ZBED6: variants seen among roughly 807,000 people sequenced by gnomAD.
ZBED6 encodes the protein zinc finger BED-type containing 6, also known as zinc finger BED domain-containing protein 6.
In ZBED6, 40 loss-of-function variants were observed where a neutral mutation model predicts 58.4. That is an observed-to-expected ratio of 0.68 (90% CI 0.53 to 0.89). The LOEUF is 0.89. ZBED6 is among the 40% of genes least tolerant of loss of function. The pLI is 0.00. For missense variants in ZBED6, 1,057 were observed against 1,003.9 expected (o/e 1.05, Z -0.71); for synonymous variants, 439 against 350.6 (o/e 1.25, Z -2.82).
intron 9 of ZBED6, among the ~76,000 whole-genome samples, chr1:203,836,280 T>G (rs895248747): frequency 2.6e-5 from 4 of 152,186 alleles, no homozygotes; most frequent in Non-Finnish European, 5.9e-5. Flanking sequence ...AGCATACCTG[T>G]AAACTTTGTG....
chr1:203,834,252 G>C (rs1683455139), intron 9 of ZBED6: 1 of 201,322 alleles, frequency 5.0e-6, no homozygotes, highest in East Asian at 1.8e-4. Flanking sequence ...TTGAGTCCTT[G>C]AGTCTATTGG....
intron 3 of ZBED6, among the ~76,000 whole-genome samples, chr1:203,827,435 C>T (rs1379946453): frequency 6.6e-6 from 1 of 150,420 alleles, no homozygotes; most frequent in East Asian, 2.0e-4. Flanking sequence ...AATCCCAGCA[C>T]TTTGGGAGGC....
At chr1:203,812,654 T>C (rs1328653978) in intron 1 of ZBED6, among the ~76,000 whole-genome samples, 3 of 144,954 alleles carry the variant, frequency 2.1e-5, no homozygotes, top group Non-Finnish European at 3.0e-5. Flanking sequence ...TGATCTCGGC[T>C]CACTGCAGCC....
chr1:203,815,534 A>G (rs911504544), intron 1 of ZBED6, among the ~76,000 whole-genome samples: 2 of 151,986 alleles, frequency 1.3e-5, no homozygotes, highest in African/African-American at 4.8e-5. Flanking sequence ...CATTATTAAA[A>G]CAAGATTGTG....
exon 1 of ZBED6, chr1:203,799,766 A>G: frequency 1.1e-6 from 1 of 944,104 alleles, no homozygotes; most frequent in Non-Finnish European, 1.7e-6. Flanking sequence ...TATCTCTGAA[A>G]CTTGAAACAG....
In ZBED6 at chr1:203,797,823, T is replaced by G. The variant is rs1011586359; in HGVS notation, c.301T>G (p.Leu101Val). Residue 101 changes from leucine (L) to valine (V), a missense_variant, in exon 1 of 17, where the codon TTG becomes GTG. By Grantham distance (32) the Leu-to-Val change is conservative (BLOSUM62 1). Coordinates refer to ENST00000550078, the Ensembl canonical transcript of ZBED6. The stretch of plus-strand genomic sequence containing the variant: ...GAGGCCTGTTGCAGATGCCCCTGCT[T>G]TGTTAGCTTCCAATGACCCTGAGCA... The G allele has an allele frequency of 4.0e-5, 61 of 1,535,952 alleles. No individual in the cohort carries two copies. Among genetic ancestry groups the G allele is most frequent in the Non-Finnish European group, 5.1e-5 (58 of 1,146,906 alleles).
At chr1:203,800,156 C>T (rs1296793059) in exon 1 of ZBED6, 9 of 1,534,576 alleles carry the variant, frequency 5.9e-6, no homozygotes, top group Admixed American at 2.0e-5. Flanking sequence ...ATTCAGAGTT[C>T]TCAGGAGGTG....
rs569445094 is a variant in ZBED6 at position 203,849,916 on chromosome 1, A to C, written c.*4528A>C. The C allele has an allele frequency of 3.8e-5, 62 of 1,614,176 alleles. No homozygotes were observed. The East Asian group carries it at 1.3e-3, about 35-fold the overall frequency. Reference sequence around the variant, plus strand: ...CCAGGAATCACACGGCACCTGACCAAGCGGCTTCCCACAAAGTCATCCCAG... The same window carrying C: ...CCAGGAATCACACGGCACCTGACCACGCGGCTTCCCACAAAGTCATCCCAG... On this transcript the variant is annotated 3_prime_UTR_variant, in exon 14 of 17. Transcript: ENST00000550078.
intron 3 of ZBED6, among the ~76,000 whole-genome samples, chr1:203,821,780 C>G (rs1447351975): frequency 6.7e-6 from 1 of 148,752 alleles, no homozygotes; most frequent in African/African-American, 2.5e-5. Context: ...TTTTTTGAGA[C>G]GGAGTCTTGC....
intron 9 of ZBED6, among the ~76,000 whole-genome samples, chr1:203,834,490 T>C (rs576467135): frequency 1.2e-4 from 18 of 152,286 alleles, no homozygotes; most frequent in Admixed American, 7.8e-4. Flanking sequence ...CAGGCTGGTC[T>C]CCAACTCCTG....
At chr1:203,825,747 A>G (rs1680326702) in intron 3 of ZBED6, among the ~76,000 whole-genome samples, 1 of 152,136 alleles carries the variant, frequency 6.6e-6, no homozygotes, top group Non-Finnish European at 1.5e-5. Flanking sequence ...TACTAAGGAA[A>G]AATGTACAGA....
At chr1:203,836,497 C>T (rs566530968) in intron 9 of ZBED6, among the ~76,000 whole-genome samples, 1 of 152,186 alleles carries the variant, frequency 6.6e-6, no homozygotes, top group Admixed American at 6.6e-5. Context: ...CGCCTGTAAT[C>T]CCAGCACTTT....
At chr1:203,825,387 T>TGTGAA (rs974212523) in intron 3 of ZBED6, among the ~76,000 whole-genome samples, 2 of 150,292 alleles carry the variant, frequency 1.3e-5, no homozygotes, top group African/African-American at 4.9e-5. Flanking sequence ...CTGTTAAAAA[T>TGTGAA]GTGAAGACAT....
At chr1:203,830,812 AAG>A (rs756519691) in intron 7 of ZBED6, among the ~76,000 whole-genome samples, 1 of 152,064 alleles carries the variant, frequency 6.6e-6, no homozygotes, top group Admixed American at 6.6e-5. Context: ...TGTCTCAAAA[AAG>A]AAAAAAAAGG....
In ZBED6 at chr1:203,838,067, A is replaced by G. The variant is rs748608963; in HGVS notation, c.*3672+3A>G. The G allele has an allele frequency of 1.4e-5, 22 of 1,613,794 alleles. No homozygotes were observed. The highest frequency in any genetic ancestry group is 1.7e-5 in the Admixed American group (1 of 59,958). Reference sequence around the variant, plus strand: ...CATTGACAAAACACCAAAGAAAGGTACCTGTGTTCTTACATACTTTGTGTG... The same window carrying G: ...CATTGACAAAACACCAAAGAAAGGTGCCTGTGTTCTTACATACTTTGTGTG... On this transcript the variant is annotated splice_donor_region_variant and intron_variant, in intron 10 of 16. Transcript: ENST00000550078.
chr1:203,818,421 T>C, intron 2 of ZBED6, 149 bp from the exon 3 acceptor site: 1 of 1,049,104 alleles, frequency 9.5e-7, no homozygotes. Flanking sequence ...TCTCGGTTTG[T>C]TCCTGTCATT....
At chr1:203,817,213 TTA>T in intron 2 of ZBED6, 89 bp downstream of exon 2, 27 of 1,122,152 alleles carry the variant, frequency 2.4e-5, no homozygotes, top group East Asian at 5.5e-5. Flanking sequence ...GTTGTTTTTA[TTA>T]TATATATATT....
exon 1 of ZBED6, chr1:203,799,949 C>T (rs1670025818): frequency 1.3e-6 from 2 of 1,536,008 alleles, no homozygotes; most frequent in Admixed American, 2.0e-5. Flanking sequence ...CACCAGAGAT[C>T]TGCCAAATTC....
intron 15 of ZBED6, 79 bp downstream of exon 15, chr1:203,850,760 T>C (rs1253699595): frequency 1.3e-6 from 2 of 1,525,782 alleles, no homozygotes; most frequent in Non-Finnish European, 1.8e-6. Context: ...ACTAGCATTC[T>C]ATCTTGAGTA....
Sources: gnomAD v4.1 joint callset for allele counts (sites outside exome capture counted in the v4.1 genomes callset) on GRCh38, gnomAD v4.1.1 for gene constraint, MANE v1.5 for transcripts, NCBI Gene and HGNC (gene_info 2026-07-23, HGNC 2026-07-21) for gene names.